GALNT14: variants seen among roughly 807,000 people sequenced by gnomAD.
GALNT14 encodes UDP-GalNAc:polypeptide N-acetylgalactosaminyltransferase 14.
In GALNT14, 60 loss-of-function variants were observed where a neutral mutation model predicts 77.5. The observed-to-expected ratio is 0.77, with a 90% CI of 0.63 to 0.96. The LOEUF (loss-of-function observed/expected upper bound fraction) is 0.96, where lower values mean the gene tolerates loss of function less well. GALNT14 is among the 40% of genes least tolerant of loss of function. The pLI, the probability that GALNT14 is intolerant of heterozygous loss-of-function variation, is 0.00. For missense variants in GALNT14, 710 were observed against 731.0 expected (o/e 0.97, Z 0.33); for synonymous variants, 280 against 281.7 (o/e 0.99, Z 0.06).
chr2:31,007,439 C>A (rs184503605), intron 1 of GALNT14, among the ~76,000 whole-genome samples: 2 of 152,188 alleles, frequency 1.3e-5, no homozygotes, highest in African/African-American at 4.8e-5. Context: ...CCAAATGACA[C>A]GCGTGTCACC....
At chr2:31,123,551 C>T (rs887597134) in intron 1 of GALNT14, among the ~76,000 whole-genome samples, 8 of 152,230 alleles carry the variant, frequency 5.3e-5, no homozygotes, top group South Asian at 2.1e-4. Flanking sequence ...AAGTGGATTG[C>T]GGCAAATGCT....
rs59824499 is a variant in GALNT14 at position 31,076,612 on chromosome 2, C to CAT, written c.129+61344_129+61345dup. ...GGAGCACTAGATAGGGGTGTGTATA[C>CAT]ATATATATATATATATATTTTTTTT... On this transcript the variant is annotated intron_variant, in intron 1 of 14. Transcript: ENST00000349752. 4.7e-3 allele frequency among the ~76,000 whole-genome samples: 679 copies of CAT among 143,336 alleles called. 4 individuals are homozygous for CAT. Among genetic ancestry groups the CAT allele is most frequent in the South Asian group, 0.018 (82 of 4,508 alleles). The allele number at this position is 143,336 out of a possible 152,430, so 94.0% of individuals were successfully genotyped here. A position where few individuals can be genotyped will look rare whatever the true frequency, so the allele number is the denominator to read the frequency against.
rs533606922 is a variant in GALNT14, at chr2:31,072,564, T to C, written c.129+65394A>G. Among the ~76,000 whole-genome samples, 6 of 152,214 alleles carry C rather than the reference T, an allele frequency of 3.9e-5. No homozygotes were observed. The East Asian group carries it at 1.2e-3, about 30-fold the overall frequency. On this transcript the variant is annotated intron_variant, in intron 1 of 14. Coordinates refer to ENST00000349752, the MANE Select transcript of GALNT14 (RefSeq NM_024572.4). ...TCCTTTGCCTCTTCCTTACTAGACTTACTGCCTTACAACCTGGAACTCCTG... is the reference window on the plus strand; with the variant it reads ...TCCTTTGCCTCTTCCTTACTAGACTCACTGCCTTACAACCTGGAACTCCTG...
At chr2:31,012,104 C>G (rs991864974) in intron 1 of GALNT14, among the ~76,000 whole-genome samples, 10 of 152,184 alleles carry the variant, frequency 6.6e-5, no homozygotes, top group Non-Finnish European at 1.3e-4. Context: ...CAGAGCCGAC[C>G]AACAGATAAG....
At chr2:31,061,930 C>A (rs1403439670) in intron 1 of GALNT14, among the ~76,000 whole-genome samples, 1 of 152,202 alleles carries the variant, frequency 6.6e-6, no homozygotes, top group East Asian at 1.9e-4. Context: ...CACTGAATAA[C>A]CCTTGAAGAC....
At chr2:31,025,073 T>C (rs976223008) in intron 1 of GALNT14, among the ~76,000 whole-genome samples, 1 of 152,226 alleles carries the variant, frequency 6.6e-6, no homozygotes, top group African/African-American at 2.4e-5. Context: ...TAAGTTATAA[T>C]AGTTATTAAG....
At chr2:31,040,095 T>G (rs1008189179) in intron 1 of GALNT14, among the ~76,000 whole-genome samples, 1 of 152,224 alleles carries the variant, frequency 6.6e-6, no homozygotes, top group Admixed American at 6.5e-5. Context: ...CACTTTTTCT[T>G]GGAACAAACT....
chr2:31,011,325 G>A (rs956454990), intron 1 of GALNT14, among the ~76,000 whole-genome samples: 3 of 152,220 alleles, frequency 2.0e-5, no homozygotes, highest in Non-Finnish European at 4.4e-5. Flanking sequence ...GTAGCAAAGT[G>A]AAGACAACGT....
intron 1 of GALNT14, among the ~76,000 whole-genome samples, chr2:31,055,089 T>C (rs17010626): frequency 0.01 from 1,547 of 152,258 alleles, 19 homozygotes; most frequent in African/African-American, 0.035. Context: ...CATAAAAATA[T>C]TGCTCATAAA....
In GALNT14 at chr2:30,949,186, G is replaced by C. The variant is rs372775283; in HGVS notation, c.655-3316C>G. Among the ~76,000 whole-genome samples the C allele has an allele frequency of 4.0e-3, 603 of 152,308 alleles. 10 individuals are homozygous for C. Among genetic ancestry groups the C allele is most frequent in the South Asian group, 0.03 (145 of 4,824 alleles). On this transcript the variant is annotated intron_variant, in intron 6 of 14. Coordinates refer to ENST00000349752, the MANE Select transcript of GALNT14 (RefSeq NM_024572.4). ...CCTCTCTGAGTGCCCTGGGAGGTCA[G>C]TACCTGCTCCGCTTTTGTATTCCTC...
chr2:30,899,571 T>C, the GALNT14 span, among the ~76,000 whole-genome samples: 1 of 105,090 alleles, frequency 9.5e-6, no homozygotes, highest in East Asian at 2.3e-4. Flanking sequence ...TCACCCAAGG[T>C]TTTTTTTTTT....
intron 1 of GALNT14, among the ~76,000 whole-genome samples, chr2:31,088,822 GCAGGGCGATGC>G (rs1368245603): frequency 6.6e-6 from 1 of 152,180 alleles, no homozygotes; most frequent in Non-Finnish European, 1.5e-5. Flanking sequence ...GACAGCTTTG[GCAGGGCGATGC>G]CCATGAGAAT....
At chr2:31,034,705 C>T (rs1026917471) in intron 1 of GALNT14, among the ~76,000 whole-genome samples, 2 of 152,032 alleles carry the variant, frequency 1.3e-5, no homozygotes, top group Admixed American at 6.5e-5. Context: ...GATCTTTCTT[C>T]TTTTTAAAGC....
At position 31,067,383 on chromosome 2, in the gene GALNT14, G is replaced by A. The variant is rs192739359; in HGVS notation, c.129+70575C>T. Among the ~76,000 whole-genome samples the A allele has an allele frequency of 1.4e-3, 216 of 152,294 alleles. 2 individuals carry two copies. Among genetic ancestry groups the A allele is most frequent in the African/African-American group, 4.9e-3 (202 of 41,568 alleles). ...AGAGAAGCCCTGAGAGTCTGGGAAT[G>A]CCGTGCTGAGTGCAGAGGCACAGGG... On this transcript the variant is annotated intron_variant, in intron 1 of 14. Transcript: ENST00000349752.
At chr2:31,059,927 C>A (rs1469941200) in intron 1 of GALNT14, among the ~76,000 whole-genome samples, 2 of 152,178 alleles carry the variant, frequency 1.3e-5, no homozygotes, top group Non-Finnish European at 1.5e-5. Flanking sequence ...GCAGTCCAAG[C>A]AGACTAAAAC....
intron 2 of GALNT14, among the ~76,000 whole-genome samples, chr2:30,983,137 C>G (rs1347666056): frequency 6.6e-6 from 1 of 152,064 alleles, no homozygotes; most frequent in Non-Finnish European, 1.5e-5. Flanking sequence ...AGTTCACGGG[C>G]CAGGGCTTAT....
chr2:30,898,862 TC>T, the GALNT14 span, among the ~76,000 whole-genome samples: 4 of 152,124 alleles, frequency 2.6e-5, no homozygotes, highest in African/African-American at 7.2e-5. Context: ...AGGGAGCTCA[TC>T]CTGGATGTCC....
At chr2:31,098,782 T>C (rs1677120096) in intron 1 of GALNT14, among the ~76,000 whole-genome samples, 1 of 152,128 alleles carries the variant, frequency 6.6e-6, no homozygotes. Context: ...TGTAATCATG[T>C]GTATGTGTTA....
intron 2 of GALNT14, among the ~76,000 whole-genome samples, chr2:30,982,393 G>C (rs1330882717): frequency 6.6e-6 from 1 of 152,168 alleles, no homozygotes; most frequent in Non-Finnish European, 1.5e-5. Flanking sequence ...CGTCATAAAA[G>C]CCAAGCTGGA....
Sources: gnomAD v4.1 joint callset for allele counts (sites outside exome capture counted in the v4.1 genomes callset) on GRCh38, gnomAD v4.1.1 for gene constraint, MANE v1.5 for transcripts, NCBI Gene and HGNC (gene_info 2026-07-23, HGNC 2026-07-21) for gene names.